Variants in ARHGAP39 observed in about 807,000 individuals in gnomAD.
ARHGAP39 encodes the protein rho GTPase-activating protein 39.
In ARHGAP39, 44 loss-of-function variants were observed where a neutral mutation model predicts 106.9. The observed-to-expected ratio is 0.41, with a 90% CI of 0.32 to 0.53. The LOEUF is 0.53. Ranked by LOEUF, ARHGAP39 falls within the 20% of genes least tolerant of loss-of-function variation. The pLI is 0.21. For synonymous variants in ARHGAP39, 768 were observed against 693.2 expected (o/e 1.11, Z -1.69); for missense variants, 1,496 against 1,577.3 (o/e 0.95, Z 0.87).
At chr8:144,608,181 A>AT (rs1243780533) in intron 1 of ARHGAP39, among the ~76,000 whole-genome samples, 2,795 of 146,150 alleles carry the variant, frequency 0.019, 117 homozygotes, top group African/African-American at 0.068. Context: ...AAAAAAAAAA[A>AT]GGAAAAAGAA....
intron 7 of ARHGAP39, among the ~76,000 whole-genome samples, chr8:144,536,874 A>G (rs1342007836): frequency 6.6e-6 from 1 of 152,256 alleles, no homozygotes; most frequent in African/African-American, 2.4e-5. Context: ...CATGGGCAGC[A>G]TGCAGTCAGG....
chr8:144,602,943 CTG>C (rs200097447), intron 2 of ARHGAP39, among the ~76,000 whole-genome samples: 49 of 99,498 alleles, frequency 4.9e-4, no homozygotes, highest in South Asian at 1.7e-3. Flanking sequence ...GCTCGTGTAC[CTG>C]TGTGTGTGCA....
At chr8:144,536,847 G>A (rs1291243909) in intron 7 of ARHGAP39, among the ~76,000 whole-genome samples, 1 of 152,254 alleles carries the variant, frequency 6.6e-6, no homozygotes, top group Non-Finnish European at 1.5e-5. Flanking sequence ...AAGCTCGCTG[G>A]CACTGTTCTG....
intron 3 of ARHGAP39, among the ~76,000 whole-genome samples, chr8:144,565,064 T>G (rs1818343759): frequency 6.6e-6 from 1 of 151,486 alleles, no homozygotes; most frequent in Non-Finnish European, 1.5e-5. Flanking sequence ...GAGCCGAGAT[T>G]GCGCCATTGC....
intron 6 of ARHGAP39, among the ~76,000 whole-genome samples, chr8:144,542,833 G>C (rs755374551): frequency 9.9e-5 from 15 of 151,826 alleles, no homozygotes; most frequent in Non-Finnish European, 2.2e-4. Context: ...CTGCTACACG[G>C]GAGGCTGAGG....
Position 144,548,518 on chromosome 8 carries a change from A to ACTGC in ARHGAP39, c.597-33_597-30dup. The ACTGC allele has an allele frequency of 6.3e-7, 1 of 1,595,260 alleles. No individual in the cohort carries two copies. ...CGTGGGGGGTGGACGGGCACAGGTGACTGCCTGCCTGCTGCTTCTGGGCAC... is the reference window on the plus strand; with the variant it reads ...CGTGGGGGGTGGACGGGCACAGGTGACTGCCTGCCTGCCTGCTGCTTCTGGGCAC... On this transcript the variant is annotated intron_variant, in intron 4 of 11. Coordinates refer to ENST00000377307, the MANE Select transcript of ARHGAP39 (RefSeq NM_025251.3). This position sits in a 1 kb window ranked among gnomAD's most constrained non-coding sequence, Gnocchi z 7.4.
chr8:144,685,382 C>G (rs1822558920), intron 1 of ARHGAP39, among the ~76,000 whole-genome samples: 1 of 151,674 alleles, frequency 6.6e-6, no homozygotes, highest in Non-Finnish European at 1.5e-5. Flanking sequence ...GCCGGGCACA[C>G]GCGAACTCAC....
intron 10 of ARHGAP39, 105 bp downstream of exon 10, chr8:144,532,200 A>G: frequency 1.1e-6 from 1 of 921,908 alleles, no homozygotes; most frequent in Non-Finnish European, 1.7e-6. Flanking sequence ...AAGCCATCAC[A>G]TCACTGGGCA....
At chr8:144,601,510 A>ATGTGTGTGCTCATGTACC in intron 2 of ARHGAP39, among the ~76,000 whole-genome samples, 1 of 48,524 alleles carries the variant, frequency 2.1e-5, no homozygotes, top group African/African-American at 8.6e-5. Flanking sequence ...GCGTGGAGGC[A>ATGTGTGTGCTCATGTACC]TGTGTGTGCT....
intron 1 of ARHGAP39, among the ~76,000 whole-genome samples, chr8:144,649,468 A>G (rs763705200): frequency 7.2e-5 from 11 of 151,776 alleles, no homozygotes; most frequent in Non-Finnish European, 1.6e-4. Context: ...ATAATAATAA[A>G]TAATAGAAAT....
chr8:144,671,421 G>A lies in ARHGAP39; in HGVS notation c.-82+14265C>T, dbSNP rs557138965. 4.6e-5 allele frequency among the ~76,000 whole-genome samples: 7 copies of A among 152,320 alleles called. No individual in the cohort carries two copies. Among genetic ancestry groups the A allele is most frequent in the Admixed American group, 3.3e-4 (5 of 15,304 alleles). Reference sequence around the variant, plus strand: ...ACTCTTCCTAACTGCATGCTGACTCGGAAGGTGGGGCTCAAGCTGAGAAGT... The same window carrying A: ...ACTCTTCCTAACTGCATGCTGACTCAGAAGGTGGGGCTCAAGCTGAGAAGT... On this transcript the variant is annotated intron_variant, in intron 1 of 11. Transcript: ENST00000377307. The surrounding 1 kb of genome is among the most constrained non-coding windows in gnomAD (Gnocchi z 4.5).
the ARHGAP39 span, among the ~76,000 whole-genome samples, chr8:144,692,916 T>C: frequency 1.3e-5 from 2 of 151,574 alleles, no homozygotes; most frequent in East Asian, 1.9e-4. Flanking sequence ...TGTGCCAGCA[T>C]GCCTGGCTAA....
rs114964237 is a variant in ARHGAP39, at chr8:144,677,610, C to G, written c.-82+8076G>C. On this transcript the variant is annotated intron_variant, in intron 1 of 11. Transcript: ENST00000377307. ...TGGAAAGAATGTACCGGAAAATGTA[C>G]TGATATGGAAAGATCTCTCAAACAT... 2.8e-3 allele frequency among the ~76,000 whole-genome samples: 432 copies of G among 152,108 alleles called. 1 individual carries two copies. Among genetic ancestry groups the G allele is most frequent in the African/African-American group, 9.9e-3 (409 of 41,458 alleles).
chr8:144,699,860 G>C, the ARHGAP39 span, among the ~76,000 whole-genome samples: 17 of 152,160 alleles, frequency 1.1e-4, no homozygotes, highest in African/African-American at 4.1e-4. Flanking sequence ...GGGGCCCCCA[G>C]CCTGTCCAGG....
At chr8:144,681,956 A>G (rs1179174268) in intron 1 of ARHGAP39, among the ~76,000 whole-genome samples, 2 of 152,216 alleles carry the variant, frequency 1.3e-5, no homozygotes, top group Non-Finnish European at 2.9e-5. Flanking sequence ...TCTTTCCACT[A>G]TGTTCTGAAA....
In ARHGAP39 at chr8:144,605,573, G is replaced by A. The variant is rs143363546; in HGVS notation, c.42C>T (p.Val14=). The A allele has an allele frequency of 2.7e-4, 440 of 1,613,894 alleles. 1 individual carries two copies. The highest frequency in any genetic ancestry group is 4.8e-4 in the South Asian group (44 of 91,080). ...CTGGAATCCTCGACTCCGGCAGGTC[G>A]ACATTATGGCTCCTGCACTCGTAGT... The part of the protein sequence containing the change: ...TQDYECRSHN[V]DLPESRIPGS... The change falls in exon 2 of 12, where the codon GTC becomes GTT. Residue 14 remains valine (V), a synonymous_variant. Transcript: ENST00000377307.
intron 1 of ARHGAP39, among the ~76,000 whole-genome samples, chr8:144,627,330 T>C (rs1031540627): frequency 6.6e-6 from 1 of 151,714 alleles, no homozygotes; most frequent in Non-Finnish European, 1.5e-5. Context: ...CCGAGGCAGG[T>C]GGATCACGAG....
chr8:144,634,192 C>T (rs1479969825), intron 1 of ARHGAP39, among the ~76,000 whole-genome samples: 29 of 139,138 alleles, frequency 2.1e-4, no homozygotes, highest in Admixed American at 7.1e-4. Context: ...TCTGGAACTC[C>T]AGGCCTCTGC....
the ARHGAP39 span, among the ~76,000 whole-genome samples, chr8:144,691,429 C>A: frequency 6.6e-6 from 1 of 152,166 alleles, no homozygotes; most frequent in Non-Finnish European, 1.5e-5. Flanking sequence ...CCCGTCCAAA[C>A]CCAAAGAATG....
Sources: gnomAD v4.1 joint callset for allele counts (sites outside exome capture counted in the v4.1 genomes callset) on GRCh38, gnomAD v4.1.1 for gene constraint, Gnocchi (gnomAD v3.1) non-coding constraint, MANE v1.5 for transcripts, NCBI Gene and HGNC (gene_info 2026-07-23, HGNC 2026-07-21) for gene names.